Variants in C10orf90 observed in about 807,000 individuals in gnomAD.
The protein encoded by C10orf90 is chromosome 10 open reading frame 90.
Under a neutral mutation model 62.5 loss-of-function variants are expected in C10orf90, and 56 were observed. The ratio of observed to expected loss-of-function variants is 0.90; its 90% CI spans 0.72 to 1.12. The LOEUF (loss-of-function observed/expected upper bound fraction) is 1.12. Among genes scored for constraint, C10orf90 ranks in the 50% most tolerant of loss-of-function variants. C10orf90 has a pLI of 0.00. For missense variants in C10orf90, 970 were observed against 880.4 expected, an observed-to-expected ratio of 1.10 and a Z score of -1.29; for synonymous variants, 386 against 340.4, an observed-to-expected ratio of 1.13 and a Z score of -1.47.
intron 2 of C10orf90, among the ~76,000 whole-genome samples, chr10:126,546,205 G>C (rs1166045753): frequency 6.6e-6 from 1 of 152,182 alleles, no homozygotes; most frequent in African/African-American, 2.4e-5. Flanking sequence ...CTCTACTCCA[G>C]CCAAACCCCA....
intron 4 of C10orf90, among the ~76,000 whole-genome samples, chr10:126,501,564 T>C (rs1338256710): frequency 7.9e-5 from 12 of 152,122 alleles, no homozygotes. Flanking sequence ...TTTTTTAAGC[T>C]TGATGGGACC....
chr10:126,558,933 A>T (rs2133985512), intron 2 of C10orf90, among the ~76,000 whole-genome samples: 1 of 152,326 alleles, frequency 6.6e-6, no homozygotes, highest in Non-Finnish European at 1.5e-5. Context: ...AGGGCCACAC[A>T]CCATTAGAAA....
chr10:126,644,523 T>C (rs751024962), intron 2 of C10orf90, among the ~76,000 whole-genome samples: 4 of 152,238 alleles, frequency 2.6e-5, no homozygotes, highest in Non-Finnish European at 5.9e-5. Context: ...TGTTATTCCA[T>C]AATCAGCACA....
chr10:126,565,878 AT>A (rs1188394852), intron 2 of C10orf90, among the ~76,000 whole-genome samples: 1 of 152,168 alleles, frequency 6.6e-6, no homozygotes, highest in Non-Finnish European at 1.5e-5. Flanking sequence ...ATGCAAGCAA[AT>A]GCACCTAACA....
At chr10:126,564,710 G>A (rs765683809) in intron 2 of C10orf90, among the ~76,000 whole-genome samples, 18 of 143,856 alleles carry the variant, frequency 1.3e-4, no homozygotes, top group Non-Finnish European at 2.5e-4. Flanking sequence ...CTACATATGT[G>A]TGGCCTGACT....
At chr10:126,599,158 G>A (rs1036719486) in intron 2 of C10orf90, among the ~76,000 whole-genome samples, 3 of 150,194 alleles carry the variant, frequency 2.0e-5, no homozygotes, top group Admixed American at 6.6e-5. Flanking sequence ...AGATAAGAAT[G>A]CCAGGCCTCA....
chr10:126,626,896 G>A (rs6597788), intron 2 of C10orf90, among the ~76,000 whole-genome samples: 69,031 of 152,016 alleles, frequency 0.45, 16,062 homozygotes, highest in Middle Eastern at 0.59. Context: ...AGCTGCCTCC[G>A]CTGCCATGAC....
intron 2 of C10orf90, among the ~76,000 whole-genome samples, chr10:126,627,436 T>C (rs1362512383): frequency 1.3e-5 from 2 of 151,852 alleles, no homozygotes; most frequent in Non-Finnish European, 1.5e-5. Flanking sequence ...TTACCAGGAG[T>C]GAGGCCTACA....
At chr10:126,500,859 C>A (rs1443166050) in intron 4 of C10orf90, among the ~76,000 whole-genome samples, 1 of 152,176 alleles carries the variant, frequency 6.6e-6, no homozygotes, top group Non-Finnish European at 1.5e-5. Flanking sequence ...ATTTGTAGAA[C>A]TTTCTGTCCA....
chr10:126,525,621 G>A (rs1316334898), intron 2 of C10orf90, among the ~76,000 whole-genome samples: 5 of 152,230 alleles, frequency 3.3e-5, no homozygotes, highest in African/African-American at 7.2e-5. Context: ...GCTGCACATC[G>A]GGGGTCTGGA....
intron 2 of C10orf90, among the ~76,000 whole-genome samples, chr10:126,548,311 G>A (rs965126526): frequency 2.6e-5 from 4 of 152,122 alleles, no homozygotes; most frequent in African/African-American, 9.7e-5. Flanking sequence ...GGAATGCTGA[G>A]GCAGAAGAAT....
chr10:126,666,958 C>T (rs1209097774), intron 1 of C10orf90, among the ~76,000 whole-genome samples: 4 of 149,154 alleles, frequency 2.7e-5, no homozygotes, highest in East Asian at 4.0e-4. Context: ...CCAGCCTGGG[C>T]GACAGAGTGA....
At chr10:126,602,590 A>T (rs1449939239) in intron 2 of C10orf90, among the ~76,000 whole-genome samples, 1 of 152,184 alleles carries the variant, frequency 6.6e-6, no homozygotes, top group Non-Finnish European at 1.5e-5. Context: ...GTTTACACTC[A>T]GAGCAGGGCC....
intron 8 of C10orf90, among the ~76,000 whole-genome samples, chr10:126,427,250 G>A (rs1392835842): frequency 6.6e-6 from 1 of 152,224 alleles, no homozygotes; most frequent in East Asian, 1.9e-4. Context: ...TTCTAGGAAG[G>A]ACTAGGAGAG....
intron 2 of C10orf90, chr10:126,521,191 G>T: frequency 8.1e-7 from 1 of 1,240,540 alleles, no homozygotes; most frequent in South Asian, 1.4e-5. Context: ...CCTTTCCCCT[G>T]GGGCCTCATA....
intron 2 of C10orf90, among the ~76,000 whole-genome samples, chr10:126,622,917 A>G (rs1160018487): frequency 6.6e-6 from 1 of 152,116 alleles, no homozygotes; most frequent in East Asian, 1.9e-4. Context: ...TTTCACGCAG[A>G]CTCCTCATTG....
chr10:126,582,562 A>G (rs7093912), intron 2 of C10orf90, among the ~76,000 whole-genome samples: 3,752 of 152,286 alleles, frequency 0.025, 145 homozygotes, highest in African/African-American at 0.084. Flanking sequence ...TCCAGATTCC[A>G]TTGTAATGTC....
intron 4 of C10orf90, among the ~76,000 whole-genome samples, chr10:126,500,553 G>A (rs753521231): frequency 6.6e-5 from 10 of 152,054 alleles, no homozygotes; most frequent in Non-Finnish European, 1.3e-4. Flanking sequence ...ACAAGAATGG[G>A]GATTAAATTT....
At chr10:126,444,479 C>T (rs1858610427) in intron 7 of C10orf90, among the ~76,000 whole-genome samples, 1 of 151,952 alleles carries the variant, frequency 6.6e-6, no homozygotes, top group Admixed American at 6.6e-5. Context: ...GATGAAAGAC[C>T]TCTACAAGGA....
Sources: allele counts gnomAD v4.1 joint callset (sites outside exome capture counted in the v4.1 genomes callset), GRCh38; gene constraint gnomAD v4.1.1; transcripts MANE v1.5; gene names NCBI Gene and HGNC (gene_info 2026-07-23, HGNC 2026-07-21).